Variants in C14orf39 observed in about 807,000 individuals in gnomAD.
C14orf39 encodes protein SIX6OS1.
A neutral mutation model predicts 85.6 loss-of-function variants in C14orf39; 66 were observed. That is an observed-to-expected ratio of 0.77 (90% confidence interval 0.63 to 0.95). The LOEUF (loss-of-function observed/expected upper bound fraction) is 0.95, where lower values mean the gene tolerates loss of function less well. Ranked by LOEUF, C14orf39 falls within the 40% of genes least tolerant of loss-of-function variation. The pLI is 0.00. For synonymous variants in C14orf39, 242 were observed against 214.0 expected, an observed-to-expected ratio of 1.13 and a Z score of -1.14; for missense variants, 735 against 663.9, an observed-to-expected ratio of 1.11 and a Z score of -1.18.
At position 60,484,972 on chromosome 14, in the gene C14orf39, T is replaced by C; in HGVS notation, c.50-35A>G. 3 of 1,581,076 alleles carry C rather than the reference T, an allele frequency of 1.9e-6. 1 individual carries two copies. Among genetic ancestry groups the C allele is most frequent in the South Asian group, 2.3e-5 (2 of 86,018 alleles). The stretch of plus-strand genomic sequence containing the variant: ...ATAATTATCTTGTGACTTCAATTCA[T>C]TGTTAAAATATCAAATGATCATACA... On this transcript the variant is annotated intron_variant, in intron 2 of 17. Transcript: ENST00000321731. The surrounding 1 kb of genome is among the most constrained non-coding windows in gnomAD (Gnocchi z 4.2).
chr14:60,499,800 T>C (rs1331984620), intron 1 of C14orf39, among the ~76,000 whole-genome samples: 1 of 152,226 alleles, frequency 6.6e-6, no homozygotes, highest in African/African-American at 2.4e-5. Context: ...ATATCCTTAA[T>C]ATTTGAAGTG....
chr14:60,461,012 A>G (rs187837781), intron 13 of C14orf39, among the ~76,000 whole-genome samples: 4 of 152,080 alleles, frequency 2.6e-5, no homozygotes, highest in Admixed American at 2.6e-4. Flanking sequence ...TAACCTCAAC[A>G]GTATATCAAG....
intron 2 of C14orf39, among the ~76,000 whole-genome samples, chr14:60,492,995 A>C (rs1382128233): frequency 6.6e-6 from 1 of 152,132 alleles, no homozygotes; most frequent in Non-Finnish European, 1.5e-5. Context: ...CTAGAAAAAA[A>C]ACTCAGATTT....
chr14:60,459,355 T>A (rs766900562), intron 13 of C14orf39, among the ~76,000 whole-genome samples: 2 of 151,718 alleles, frequency 1.3e-5, no homozygotes, highest in Non-Finnish European at 3.0e-5. Context: ...TTTACATATA[T>A]CCTTGCATGT....
At chr14:60,465,524 G>A (rs1049609397) in intron 11 of C14orf39, among the ~76,000 whole-genome samples, 2 of 152,018 alleles carry the variant, frequency 1.3e-5, no homozygotes, top group African/African-American at 2.4e-5. Flanking sequence ...AAGATGAACA[G>A]GGGGTTAAGT....
chr14:60,513,044 C>T (rs1893316454), intron 1 of C14orf39, among the ~76,000 whole-genome samples: 1 of 152,176 alleles, frequency 6.6e-6, no homozygotes, highest in Non-Finnish European at 1.5e-5. Flanking sequence ...GCAAGATAGA[C>T]AATGGAAGCC....
chr14:60,458,598 C>A (rs1327071885), intron 14 of C14orf39, 80 bp downstream of exon 14: 1 of 1,006,728 alleles, frequency 9.9e-7, no homozygotes. Context: ...AATCACTGTA[C>A]TAAATCTGAA....
chr14:60,453,737 T>TA (rs1482424522), intron 16 of C14orf39, among the ~76,000 whole-genome samples: 1 of 151,786 alleles, frequency 6.6e-6, no homozygotes, highest in Non-Finnish European at 1.5e-5. Context: ...CCAGGACAGT[T>TA]ATTAATTATT....
At chr14:60,451,287 C>T (rs1891023089) in intron 16 of C14orf39, among the ~76,000 whole-genome samples, 1 of 152,100 alleles carries the variant, frequency 6.6e-6, no homozygotes, top group South Asian at 2.1e-4. Flanking sequence ...GTGGTGATTC[C>T]TCAAGGATCT....
At chr14:60,509,935 C>T (rs1021685306) in intron 1 of C14orf39, 2 of 1,610,384 alleles carry the variant, frequency 1.2e-6, no homozygotes, top group African/African-American at 2.7e-5. Flanking sequence ...TCAAAAACCG[C>T]CGACAAAGGG....
At chr14:60,507,546 G>T (rs1893221042) in intron 1 of C14orf39, among the ~76,000 whole-genome samples, 1 of 152,210 alleles carries the variant, frequency 6.6e-6, no homozygotes, top group East Asian at 1.9e-4. Flanking sequence ...TCACAGAAAT[G>T]ATGTAAATGG....
At chr14:60,462,521 T>C (rs1407330017) in intron 11 of C14orf39, among the ~76,000 whole-genome samples, 2 of 152,202 alleles carry the variant, frequency 1.3e-5, no homozygotes, top group African/African-American at 2.4e-5. Context: ...AATCAAAATA[T>C]AGTTTTAACA....
chr14:60,469,591 G>T lies in C14orf39; in HGVS notation c.617C>A (p.Ser206Ter). The change falls in exon 8 of 18, where the codon TCA becomes TAA. Residue 206 changes from serine (S) to a stop codon, truncating the protein, a stop_gained. Transcript: ENST00000321731. LOFTEE classifies it high-confidence loss of function. ...LKHASNLTKSSSELKKEVDEM... is the reference protein window; with the variant it reads ...LKHASNLTKS ...ATCTACTTCTTTCTTCAATTCGGAT[G>T]AACTTTTGGTAAGATTGCTGGCATG... 1 of 1,517,884 alleles carries T rather than the reference G, an allele frequency of 6.6e-7. No homozygotes were observed. Among genetic ancestry groups the T allele is most frequent in the Non-Finnish European group, 8.9e-7 (1 of 1,124,902 alleles). The allele number at this position is 1,517,884 out of a possible 1,614,324, so 94.0% of individuals were successfully genotyped here.
At chr14:60,478,911 T>C (rs552313705) in intron 4 of C14orf39, among the ~76,000 whole-genome samples, 13 of 126,506 alleles carry the variant, frequency 1.0e-4, no homozygotes, top group African/African-American at 3.5e-4. Flanking sequence ...AATAGGAATA[T>C]AACAAATATT....
chr14:60,453,270 T>A (rs1266230865), intron 16 of C14orf39, among the ~76,000 whole-genome samples: 1 of 152,066 alleles, frequency 6.6e-6, no homozygotes, highest in African/African-American at 2.4e-5. Context: ...GACTGTTATA[T>A]CTTCCTTATG....
intron 16 of C14orf39, among the ~76,000 whole-genome samples, chr14:60,454,380 T>C (rs929319067): frequency 6.6e-6 from 1 of 151,934 alleles, no homozygotes; most frequent in African/African-American, 2.4e-5. Flanking sequence ...ATGATAATAG[T>C]TATTATTTCA....
intron 5 of C14orf39, among the ~76,000 whole-genome samples, chr14:60,473,371 G>A (rs953998453): frequency 6.6e-6 from 1 of 152,108 alleles, no homozygotes; most frequent in South Asian, 2.1e-4. Context: ...TCACTCTGAT[G>A]GTAGTTTCTT....
At position 60,457,074 on chromosome 14, in the gene C14orf39, C is replaced by T; in HGVS notation, c.1201G>A (p.Gly401Arg). Reference protein sequence around the residue: ...TSQAIYTEHFGKSVENDSDEV... With the variant: ...TSQAIYTEHFRKSVENDSDEV... ...TCACTATCATTTTCTACTGACTTCC[C>T]AAAATGTTCAGTATATATAGCCTGC... The change falls in exon 15 of 18, where the codon GGG (glycine) becomes AGG (arginine). Residue 401 changes from glycine to arginine, a missense_variant. Transcript: ENST00000321731. The T allele has an allele frequency of 6.3e-7, 1 of 1,596,904 alleles. No individual in the cohort carries two copies. Among genetic ancestry groups the T allele is most frequent in the South Asian group, 1.1e-5 (1 of 88,138 alleles).
chr14:60,467,567 A>C (rs1427691614), intron 9 of C14orf39, among the ~76,000 whole-genome samples: 1 of 151,900 alleles, frequency 6.6e-6, no homozygotes, highest in Admixed American at 6.6e-5. Context: ...TGAGTTAAAA[A>C]TGACTAAATA....
Sources: allele counts gnomAD v4.1 joint callset (sites outside exome capture counted in the v4.1 genomes callset), GRCh38; gene constraint gnomAD v4.1.1; non-coding constraint Gnocchi (gnomAD v3.1); transcripts MANE v1.5; gene names NCBI Gene and HGNC (gene_info 2026-07-23, HGNC 2026-07-21).